The following ROBO1 variants were observed in gnomAD, a reference collection of about 807,000 sequenced individuals.
ROBO1 encodes the protein roundabout homolog 1.
Under a neutral mutation model 195.9 loss-of-function variants are expected in ROBO1, and 149 were observed. The ratio of observed to expected loss-of-function variants is 0.76; its 90% CI spans 0.67 to 0.87. The LOEUF (loss-of-function observed/expected upper bound fraction) is 0.87. Among genes scored for constraint, ROBO1 ranks in the 40% least tolerant of loss-of-function variants. The pLI is 0.00. For missense variants in ROBO1, 1,933 were observed against 2,068.3 expected (o/e 0.93, Z 1.27); for synonymous variants, 816 against 733.2 (o/e 1.11, Z -1.82).
In ROBO1 at chr3:79,349,671, G is replaced by A. The variant is rs192545449; in HGVS notation, c.89-224132C>T. Among the ~76,000 whole-genome samples, 120 of 152,216 alleles carry A rather than the reference G, an allele frequency of 7.9e-4. 1 individual carries two copies. The highest frequency in any genetic ancestry group is 1.6e-3 in the African/African-American group (65 of 41,548). On this transcript the variant is annotated intron_variant, in intron 2 of 30. Coordinates refer to ENST00000464233, the MANE Select transcript of ROBO1 (RefSeq NM_002941.4). ...CCAGAAACAAACCTATGTGTGTATC[G>A]TCAACTGATTTTCAACAAGGGTGCT...
At chr3:79,634,517 T>C (rs1010004894) in intron 1 of ROBO1, among the ~76,000 whole-genome samples, 1 of 152,244 alleles carries the variant, frequency 6.6e-6, no homozygotes, top group Non-Finnish European at 1.5e-5. Flanking sequence ...AATTTTCTTA[T>C]AATCTGAAGA....
In ROBO1 at chr3:78,607,144, A is replaced by G. The variant is rs578099274; in HGVS notation, c.4436-103T>C. ...GCCACATTCACCTACGAGATACTATATCTTAGATGAACTAGAATACTTGAA... is the reference window on the plus strand; with the variant it reads ...GCCACATTCACCTACGAGATACTATGTCTTAGATGAACTAGAATACTTGAA... On this transcript the variant is annotated intron_variant, in intron 28 of 30. Coordinates refer to ENST00000464233, the MANE Select transcript of ROBO1 (RefSeq NM_002941.4). 2.5e-4 allele frequency: 276 copies of G among 1,105,098 alleles called. 3 individuals carry two copies. In the South Asian group the frequency reaches 4.4e-3, roughly 18 times the overall value. The allele number at this position is 1,105,098 out of a possible 1,614,324, so 68.5% of individuals were successfully genotyped here. A position where few individuals can be genotyped will look rare whatever the true frequency, so the allele number is the denominator to read the frequency against.
At chr3:79,319,798 CAT>C (rs2033897120) in intron 2 of ROBO1, among the ~76,000 whole-genome samples, 1 of 152,088 alleles carries the variant, frequency 6.6e-6, no homozygotes. Context: ...CCTACCATAA[CAT>C]ATAACCCATA....
At chr3:79,765,106 G>A (rs897498327) in intron 1 of ROBO1, among the ~76,000 whole-genome samples, 1 of 152,204 alleles carries the variant, frequency 6.6e-6, no homozygotes, top group Non-Finnish European at 1.5e-5. Context: ...ATTAACAGCT[G>A]TTTTCTGAAG....
Position 78,765,722 on chromosome 3 carries a change from G to A in ROBO1, c.500-18822C>T, listed in dbSNP as rs186718440. Reference sequence around the variant, plus strand: ...CAAAGGGATCCAGTCTCATTTTATCGTGCACTTTAATAGAGGACAAAGCTA... The same window carrying A: ...CAAAGGGATCCAGTCTCATTTTATCATGCACTTTAATAGAGGACAAAGCTA... On this transcript the variant is annotated intron_variant, in intron 4 of 30. Transcript: ENST00000464233. Among the ~76,000 whole-genome samples the A allele has an allele frequency of 2.0e-4, 30 of 152,192 alleles. No individual in the cohort carries two copies. In the East Asian group the frequency reaches 2.1e-3, roughly 11 times the overall value.
chr3:79,029,388 G>C (rs1405461546), intron 3 of ROBO1, among the ~76,000 whole-genome samples: 1 of 152,000 alleles, frequency 6.6e-6, no homozygotes, highest in Non-Finnish European at 1.5e-5. Flanking sequence ...TAAAAAATCA[G>C]ATATTTATCT....
At chr3:78,680,320 A>G (rs1451073907) in intron 10 of ROBO1, among the ~76,000 whole-genome samples, 2 of 152,204 alleles carry the variant, frequency 1.3e-5, no homozygotes, top group Non-Finnish European at 1.5e-5. Context: ...ACAAAAGTCA[A>G]AATTGACAAA....
At chr3:78,854,204 A>G (rs768429643) in intron 4 of ROBO1, among the ~76,000 whole-genome samples, 6 of 150,764 alleles carry the variant, frequency 4.0e-5, no homozygotes, top group Admixed American at 6.6e-5. Flanking sequence ...CAGTCACACA[A>G]TTATGTGAGC....
intron 2 of ROBO1, among the ~76,000 whole-genome samples, chr3:79,359,164 T>C (rs78141327): frequency 2.3e-3 from 347 of 152,158 alleles, no homozygotes; most frequent in African/African-American, 7.3e-3. Flanking sequence ...TTAAACTAGA[T>C]TAATTTTCTA....
At chr3:78,922,395 G>A (rs913335620) in intron 4 of ROBO1, among the ~76,000 whole-genome samples, 9 of 151,930 alleles carry the variant, frequency 5.9e-5, no homozygotes, top group Admixed American at 3.3e-4. Context: ...CTATCATCAG[G>A]CTAAAAGGCT....
At chr3:79,067,689 ATGCC>A (rs1309769102) in intron 3 of ROBO1, among the ~76,000 whole-genome samples, 1 of 152,004 alleles carries the variant, frequency 6.6e-6, no homozygotes, top group Non-Finnish European at 1.5e-5. Flanking sequence ...AAGAATTATA[ATGCC>A]TGTATTAGTT....
chr3:79,470,741 T>C (rs959234155), intron 2 of ROBO1, among the ~76,000 whole-genome samples: 3 of 152,070 alleles, frequency 2.0e-5, no homozygotes, highest in African/African-American at 7.2e-5. Flanking sequence ...ACACAAGCTC[T>C]CTTGCCTGCC....
chr3:79,468,581 TAGAG>T (rs777608615), intron 2 of ROBO1, among the ~76,000 whole-genome samples: 3 of 152,164 alleles, frequency 2.0e-5, no homozygotes, highest in Non-Finnish European at 4.4e-5. Flanking sequence ...AACTTGAAAC[TAGAG>T]AGAATTTGAA....
chr3:79,001,238 T>G (rs1052793038), intron 3 of ROBO1, among the ~76,000 whole-genome samples: 2 of 152,056 alleles, frequency 1.3e-5, no homozygotes, highest in Non-Finnish European at 2.9e-5. Flanking sequence ...TGTATACCTA[T>G]GTAACAAACC....
chr3:79,170,609 T>A (rs1402574528), intron 2 of ROBO1, among the ~76,000 whole-genome samples: 1 of 152,152 alleles, frequency 6.6e-6, no homozygotes, highest in Admixed American at 6.5e-5. Context: ...CAATACAAAT[T>A]TTTGTAAATT....
At chr3:79,100,944 G>T (rs2079664717) in intron 3 of ROBO1, among the ~76,000 whole-genome samples, 2 of 151,782 alleles carry the variant, frequency 1.3e-5, no homozygotes, top group Admixed American at 1.3e-4. Flanking sequence ...TTGAAAGCTG[G>T]TTGGCTAAAC....
chr3:78,711,398 C>CCTTCCTTCCTTCCTTTCTTT (rs2081724186), intron 8 of ROBO1, among the ~76,000 whole-genome samples: 1 of 39,952 alleles, frequency 2.5e-5, no homozygotes, highest in Non-Finnish European at 6.0e-5. Flanking sequence ...TTCCTTCCTT[C>CCTTCCTTCCTTCCTTTCTTT]CTTTCTTTCT....
chr3:78,757,700 T>G (rs750633405), intron 4 of ROBO1, among the ~76,000 whole-genome samples: 29 of 152,164 alleles, frequency 1.9e-4, no homozygotes, highest in Non-Finnish European at 3.4e-4. Context: ...TGTATCTTTG[T>G]GAAGCATAAT....
intron 2 of ROBO1, among the ~76,000 whole-genome samples, chr3:79,299,798 C>A (rs1330904913): frequency 2.0e-5 from 3 of 147,910 alleles, no homozygotes; most frequent in South Asian, 2.1e-4. Flanking sequence ...GTTAATTAAC[C>A]AAGGAATGAA....
Sources: gnomAD v4.1 joint callset for allele counts (sites outside exome capture counted in the v4.1 genomes callset) on GRCh38, gnomAD v4.1.1 for gene constraint, MANE v1.5 for transcripts, NCBI Gene and HGNC (gene_info 2026-07-23, HGNC 2026-07-21) for gene names.